The following CDH12 variants were observed in gnomAD, a reference collection of about 807,000 sequenced individuals.
CDH12 encodes the protein cadherin-12.
In CDH12, 41 loss-of-function variants were observed where a neutral mutation model predicts 74.1. The observed-to-expected ratio is 0.55, with a 90% CI of 0.43 to 0.72. The LOEUF (loss-of-function observed/expected upper bound fraction) is 0.72. Ranked by LOEUF, CDH12 falls within the 30% of genes least tolerant of loss-of-function variation. The pLI is 0.00. For synonymous variants in CDH12, 399 were observed against 355.0 expected (o/e 1.12, Z -1.39); for missense variants, 945 against 977.2 (o/e 0.97, Z 0.44).
intron 8 of CDH12, 65 bp from the exon 9 acceptor site, chr5:21,817,197 G>C (rs1287316977): frequency 4.4e-6 from 5 of 1,126,568 alleles, no homozygotes; most frequent in Non-Finnish European, 6.3e-6. Flanking sequence ...AGATTACAAG[G>C]CTTGAAAAAT....
chr5:22,076,972 C>T (rs1021829845), intron 5 of CDH12, among the ~76,000 whole-genome samples: 1 of 151,938 alleles, frequency 6.6e-6, no homozygotes, highest in African/African-American at 2.4e-5. Flanking sequence ...AGGTTGGCCC[C>T]GTGCCACTTG....
intron 2 of CDH12, among the ~76,000 whole-genome samples, chr5:22,500,396 T>A (rs866979542): frequency 1.3e-5 from 2 of 152,108 alleles, no homozygotes; most frequent in South Asian, 4.1e-4. Flanking sequence ...AACATGACAG[T>A]TGTTATGGAT....
chr5:22,588,475 A>T (rs1362637458), intron 1 of CDH12, among the ~76,000 whole-genome samples: 1 of 152,194 alleles, frequency 6.6e-6, no homozygotes, highest in Admixed American at 6.5e-5. Flanking sequence ...AGGGTAGAAC[A>T]TAAATGAGGC....
intron 4 of CDH12, among the ~76,000 whole-genome samples, chr5:22,115,870 T>G (rs1299832433): frequency 6.6e-6 from 1 of 151,964 alleles, no homozygotes; most frequent in Admixed American, 6.6e-5. Context: ...TTTTGTATTT[T>G]TAGTGGAGTC....
chr5:21,828,389 TG>T (rs1329672711), intron 8 of CDH12, among the ~76,000 whole-genome samples: 2 of 152,190 alleles, frequency 1.3e-5, no homozygotes, highest in African/African-American at 4.8e-5. Context: ...CCCAAAGTGC[TG>T]GGATTACAGG....
chr5:22,823,243 G>C (rs1036974577), intron 1 of CDH12, among the ~76,000 whole-genome samples: 1 of 139,516 alleles, frequency 7.2e-6, no homozygotes, highest in African/African-American at 2.6e-5. Flanking sequence ...TGAGGTGGGG[G>C]GAGGGGGGAG....
Position 22,757,968 on chromosome 5 carries a change from C to G in CDH12, c.-523+95090G>C, listed in dbSNP as rs117066365. On this transcript the variant is annotated intron_variant, in intron 1 of 14. Coordinates refer to ENST00000382254, the MANE Select transcript of CDH12 (RefSeq NM_004061.5). ...GGGTATAGAAAGGAGAGGCTCCCAG[C>G]AGACTTTTATGTGATAGAATGTGGG... Among the ~76,000 whole-genome samples, 27 of 152,304 alleles carry G rather than the reference C, an allele frequency of 1.8e-4. No individual in the cohort carries two copies. The East Asian group carries it at 4.3e-3, about 24-fold the overall frequency.
At chr5:21,935,617 A>AT (rs1227396104) in intron 6 of CDH12, among the ~76,000 whole-genome samples, 1 of 152,216 alleles carries the variant, frequency 6.6e-6, no homozygotes, top group Non-Finnish European at 1.5e-5. Flanking sequence ...TCTTCTAGTT[A>AT]TTTTAAAATG....
At chr5:22,486,260 T>C (rs1746589426) in intron 2 of CDH12, among the ~76,000 whole-genome samples, 1 of 152,260 alleles carries the variant, frequency 6.6e-6, no homozygotes, top group Non-Finnish European at 1.5e-5. Context: ...ACTAGGTCCT[T>C]CAGAACATTG....
chr5:22,182,779 G>C (rs1290110093), intron 4 of CDH12, among the ~76,000 whole-genome samples: 4 of 151,634 alleles, frequency 2.6e-5, no homozygotes, highest in African/African-American at 9.7e-5. Flanking sequence ...GGCTGGGCTG[G>C]ACCCAAGGTA....
intron 5 of CDH12, among the ~76,000 whole-genome samples, chr5:22,034,388 C>T (rs1739029369): frequency 6.6e-6 from 1 of 152,152 alleles, no homozygotes; most frequent in Non-Finnish European, 1.5e-5. Context: ...TCATAGGTAA[C>T]AGAATTCTAG....
chr5:22,038,160 G>A (rs950537130), intron 5 of CDH12, among the ~76,000 whole-genome samples: 4 of 152,124 alleles, frequency 2.6e-5, no homozygotes, highest in African/African-American at 9.7e-5. Context: ...TGCAACTACT[G>A]CTGGAGTGTA....
At chr5:22,051,526 T>C (rs543516543) in intron 5 of CDH12, among the ~76,000 whole-genome samples, 12 of 152,300 alleles carry the variant, frequency 7.9e-5, no homozygotes, top group Non-Finnish European at 1.6e-4. Flanking sequence ...GAGGCAAAGA[T>C]GTTTCATCCT....
intron 3 of CDH12, among the ~76,000 whole-genome samples, chr5:22,216,234 T>C (rs569284024): frequency 1.5e-3 from 226 of 152,186 alleles, no homozygotes; most frequent in Non-Finnish European, 2.6e-3. Flanking sequence ...TAAATTGTGA[T>C]TGTGATTTAT....
rs576255743 is a variant in CDH12, at chr5:22,464,230, C to T, written c.-428+41040G>A. Among the ~76,000 whole-genome samples the T allele has an allele frequency of 1.1e-3, 164 of 152,266 alleles. 1 individual carries two copies. Among genetic ancestry groups the T allele is most frequent in the African/African-American group, 3.8e-3 (157 of 41,548 alleles). On this transcript the variant is annotated intron_variant, in intron 2 of 14. Transcript: ENST00000382254. ...CCTTCCCTGATGATTGTGAGGCTTC[C>T]CCAGCCACGCAGAACTGCAAATCCA...
rs192276044 is a variant in CDH12, at chr5:21,924,140, A to G, written c.526+50951T>C. On this transcript the variant is annotated intron_variant, in intron 6 of 14. Coordinates refer to ENST00000382254, the MANE Select transcript of CDH12 (RefSeq NM_004061.5). ...GGAAATAGAAAAACTAAAAGTAGTT[A>G]TAATTATAGCAACCATGCACTTTTT... Among the ~76,000 whole-genome samples, 497 of 152,348 alleles carry G rather than the reference A, an allele frequency of 3.3e-3. 12 individuals carry two copies. The highest frequency in any genetic ancestry group is 0.03 in the Admixed American group (466 of 15,304).
chr5:22,825,042 A>G (rs1047013001), intron 1 of CDH12, among the ~76,000 whole-genome samples: 7 of 152,076 alleles, frequency 4.6e-5, no homozygotes, highest in Admixed American at 1.3e-4. Flanking sequence ...GGGTCACAGA[A>G]TAATTATACA....
intron 5 of CDH12, among the ~76,000 whole-genome samples, chr5:21,987,321 C>T (rs531304222): frequency 2.0e-5 from 3 of 152,160 alleles, no homozygotes; most frequent in Non-Finnish European, 4.4e-5. Context: ...AAATGTAATA[C>T]ATTGGGAGTA....
At chr5:21,883,207 C>T in intron 6 of CDH12, 4 of 1,391,438 alleles carry the variant, frequency 2.9e-6, no homozygotes, top group East Asian at 2.3e-5. Flanking sequence ...GATGGAAAAA[C>T]ACTGAATGAT....
Sources: gnomAD v4.1 joint callset for allele counts (sites outside exome capture counted in the v4.1 genomes callset) on GRCh38, gnomAD v4.1.1 for gene constraint, MANE v1.5 for transcripts, NCBI Gene and HGNC (gene_info 2026-07-23, HGNC 2026-07-21) for gene names.